Variants in ST18 observed in about 807,000 individuals in gnomAD.
ST18 encodes suppression of tumorigenicity 18 protein.
A neutral mutation model predicts 110.0 loss-of-function variants in ST18; 50 were observed. The ratio of observed to expected loss-of-function variants is 0.45; its 90% CI spans 0.36 to 0.58. ST18 has a LOEUF of 0.58. ST18 is among the 20% of genes least tolerant of loss of function. The probability of loss-of-function intolerance (pLI) is 0.00; values close to 1 mark genes in which losing one functional copy is unlikely to be tolerated. For synonymous variants in ST18, 461 were observed against 452.4 expected, an observed-to-expected ratio of 1.02 and a Z score of -0.24; for missense variants, 1,306 against 1,280.1, an observed-to-expected ratio of 1.02 and a Z score of -0.31.
At chr8:52,122,107 T>C (rs980904694) in intron 23 of ST18, among the ~76,000 whole-genome samples, 2 of 152,208 alleles carry the variant, frequency 1.3e-5, no homozygotes, top group Non-Finnish European at 2.9e-5. Context: ...CCTCCCAAAG[T>C]GCTGGGATTA....
Position 52,220,801 on chromosome 8 carries a change from C to G in ST18, c.-217G>C, listed in dbSNP as rs2086348142. On this transcript the variant is annotated 5_prime_UTR_variant, in exon 5 of 26. Transcript: ENST00000689386. ...AGTTTGCCCTGCTGTGTCAGGGGGA[C>G]TAAATAAATGACTTTGTCTTATTTA... is the stretch of plus-strand genomic sequence containing the variant. 1.3e-5 allele frequency: 2 copies of G among 152,058 alleles called. No individual in the cohort carries two copies. Among genetic ancestry groups the G allele is most frequent in the African/African-American group, 2.4e-5 (1 of 41,408 alleles). 9.4% of individuals were successfully genotyped at this position (152,058 alleles called of 1,614,324 possible). A position where few individuals can be genotyped will look rare whatever the true frequency, so the allele number is the denominator to read the frequency against.
intron 2 of ST18, among the ~76,000 whole-genome samples, chr8:52,356,645 C>G (rs1034465198): frequency 7.9e-5 from 12 of 152,022 alleles, no homozygotes; most frequent in African/African-American, 2.9e-4. Context: ...ATTGAGGAAG[C>G]CTGAACATTG....
chr8:52,377,027 A>G (rs1004728146), intron 2 of ST18, among the ~76,000 whole-genome samples: 1 of 152,198 alleles, frequency 6.6e-6, no homozygotes. Context: ...TCTTATGACA[A>G]TACATGTACT....
chr8:52,304,329 T>TACAC (rs1029995530), intron 2 of ST18, among the ~76,000 whole-genome samples: 3 of 151,768 alleles, frequency 2.0e-5, no homozygotes, highest in African/African-American at 4.8e-5. Context: ...TGTGAGTACA[T>TACAC]ACACACACAC....
chr8:52,343,204 C>A (rs1394100877), intron 2 of ST18, among the ~76,000 whole-genome samples: 1 of 152,062 alleles, frequency 6.6e-6, no homozygotes, highest in East Asian at 1.9e-4. Flanking sequence ...GTGAGGAGGG[C>A]AAGTGAATGC....
chr8:52,392,109 C>A, intron 2 of ST18, among the ~76,000 whole-genome samples: 1 of 152,188 alleles, frequency 6.6e-6, no homozygotes, highest in South Asian at 2.1e-4. Flanking sequence ...TCAATCAACA[C>A]ATTTATGTGC....
intron 17 of ST18, among the ~76,000 whole-genome samples, chr8:52,139,853 G>A (rs1363443751): frequency 2.0e-5 from 3 of 152,178 alleles, no homozygotes; most frequent in Non-Finnish European, 4.4e-5. Context: ...TTATACGGGG[G>A]AAAGTTGCAG....
chr8:52,165,675 C>T (rs1325089403), intron 11 of ST18, among the ~76,000 whole-genome samples: 3 of 152,184 alleles, frequency 2.0e-5, no homozygotes, highest in Non-Finnish European at 4.4e-5. Flanking sequence ...ACTCCCCACA[C>T]CCCACTGCCA....
At chr8:52,365,681 G>T (rs1421600582) in intron 2 of ST18, among the ~76,000 whole-genome samples, 1 of 150,558 alleles carries the variant, frequency 6.6e-6, no homozygotes, top group Non-Finnish European at 1.5e-5. Context: ...CAAGTGCCAG[G>T]CACAATTTTG....
intron 2 of ST18, among the ~76,000 whole-genome samples, chr8:52,327,147 A>G (rs982173038): frequency 1.3e-5 from 2 of 152,246 alleles, no homozygotes; most frequent in African/African-American, 4.8e-5. Flanking sequence ...GCTGTCTGCA[A>G]ATATCAGAGC....
intron 2 of ST18, among the ~76,000 whole-genome samples, chr8:52,291,401 G>T (rs569678970): frequency 2.9e-4 from 44 of 152,190 alleles, no homozygotes; most frequent in Non-Finnish European, 5.6e-4. Context: ...CTTTGAAAAA[G>T]TAAAATGGAC....
At chr8:52,252,519 C>T (rs2094360348) in intron 2 of ST18, among the ~76,000 whole-genome samples, 1 of 151,742 alleles carries the variant, frequency 6.6e-6, no homozygotes. Context: ...AAAAAAAACT[C>T]CTTTAAACAT....
At chr8:52,281,411 A>G (rs1454961943) in intron 2 of ST18, among the ~76,000 whole-genome samples, 1 of 152,202 alleles carries the variant, frequency 6.6e-6, no homozygotes, top group Admixed American at 6.5e-5. Context: ...TAAAGAAAAA[A>G]TTAAGATGAG....
intron 2 of ST18, among the ~76,000 whole-genome samples, chr8:52,233,234 C>A (rs2091908796): frequency 6.6e-6 from 1 of 152,122 alleles, no homozygotes; most frequent in Admixed American, 6.5e-5. Flanking sequence ...TTATATAAAT[C>A]AGTGGAGTCC....
chr8:52,276,109 ACAC>A, intron 2 of ST18, among the ~76,000 whole-genome samples: 1 of 46,048 alleles, frequency 2.2e-5, no homozygotes, highest in Non-Finnish European at 4.4e-5. Context: ...CATGAAACAC[ACAC>A]CGCACCTATC....
intron 17 of ST18, among the ~76,000 whole-genome samples, chr8:52,139,295 C>T (rs918935351): frequency 3.3e-5 from 5 of 151,584 alleles, no homozygotes; most frequent in Admixed American, 6.6e-5. Flanking sequence ...AAATACATCG[C>T]CATTTAGTGT....
chr8:52,308,937 T>C (rs2095857027), intron 2 of ST18, among the ~76,000 whole-genome samples: 1 of 152,258 alleles, frequency 6.6e-6, no homozygotes, highest in Admixed American at 6.5e-5. Context: ...GGTACACAGA[T>C]GGGCATATTC....
At chr8:52,180,075 C>G (rs376198327) in intron 9 of ST18, 47 bp downstream of exon 9, 2 of 1,592,242 alleles carry the variant, frequency 1.3e-6, no homozygotes, top group Non-Finnish European at 1.7e-6. Flanking sequence ...AGCACAGAGT[C>G]CTTGGAGCCA....
intron 2 of ST18, among the ~76,000 whole-genome samples, chr8:52,368,031 C>G (rs1828822173): frequency 6.6e-6 from 1 of 152,112 alleles, no homozygotes; most frequent in African/African-American, 2.4e-5. Context: ...AGGGTCTTGT[C>G]TATTTCTCTA....
Sources: allele counts gnomAD v4.1 joint callset (sites outside exome capture counted in the v4.1 genomes callset), GRCh38; gene constraint gnomAD v4.1.1; transcripts MANE v1.5; gene names NCBI Gene and HGNC (gene_info 2026-07-23, HGNC 2026-07-21).